The following GBP6 variants were observed in gnomAD, a reference collection of about 807,000 sequenced individuals.
The protein encoded by GBP6 is guanylate binding protein family member 6.
GBP6 carries 54 observed loss-of-function variants against 61.5 expected under a neutral mutation model. The ratio of observed to expected loss-of-function variants is 0.88; its 90% CI spans 0.71 to 1.10. GBP6 has a LOEUF of 1.10. Ranked by LOEUF, GBP6 falls within the 50% of genes least tolerant of loss-of-function variation. The pLI is 0.00. For missense variants in GBP6, 748 were observed against 752.8 expected (o/e 0.99, Z 0.07); for synonymous variants, 255 against 273.7 (o/e 0.93, Z 0.67).
chr1:89,377,969 T>G, intron 3 of GBP6, 134 bp from the exon 4 acceptor site: 1 of 771,532 alleles, frequency 1.3e-6, no homozygotes, highest in South Asian at 1.7e-5. Context: ...AAACTGTTGT[T>G]TACATTCATG....
At chr1:89,383,336 T>C (rs1357730540) in intron 8 of GBP6, among the ~76,000 whole-genome samples, 2 of 152,126 alleles carry the variant, frequency 1.3e-5, no homozygotes, top group East Asian at 3.9e-4. Flanking sequence ...AGAGGCAGCA[T>C]TGCACACTGG....
intron 3 of GBP6, among the ~76,000 whole-genome samples, chr1:89,371,687 T>A (rs1053998708): frequency 5.9e-5 from 9 of 152,132 alleles, no homozygotes; most frequent in Non-Finnish European, 1.0e-4. Flanking sequence ...GCTATTTATG[T>A]CAAACCCACA....
At chr1:89,373,132 T>A (rs1652692633) in intron 3 of GBP6, among the ~76,000 whole-genome samples, 1 of 152,090 alleles carries the variant, frequency 6.6e-6, no homozygotes, top group African/African-American at 2.4e-5. Context: ...CTCACACCAA[T>A]TAGAATGGTG....
At chr1:89,364,626 C>CGTGT (rs138686874) in intron 1 of GBP6, among the ~76,000 whole-genome samples, 22 of 107,620 alleles carry the variant, frequency 2.0e-4, no homozygotes, top group African/African-American at 5.0e-4. Context: ...TCTGTGTGTG[C>CGTGT]GTGTGTGTGT....
intron 10 of GBP6, 79 bp from the exon 11 acceptor site, chr1:89,385,151 C>CAAAATAA (rs1653098170): frequency 2.3e-6 from 3 of 1,306,046 alleles, no homozygotes; most frequent in Admixed American, 2.5e-5. Flanking sequence ...AAGTTTCACA[C>CAAAATAA]AGGTTTTAAA....
chr1:89,383,835 A>C (rs942769507), intron 9 of GBP6, 81 bp downstream of exon 9: 73 of 1,098,128 alleles, frequency 6.6e-5, no homozygotes, highest in Non-Finnish European at 9.8e-5. Flanking sequence ...AAACCTTCCC[A>C]AAATGAGGAA....
Position 89,380,395 on chromosome 1 carries a change from C to A in GBP6, c.635C>A (p.Pro212His). The A allele has an allele frequency of 6.2e-7, 1 of 1,613,424 alleles. No individual in the cohort carries two copies. The highest frequency in any genetic ancestry group is 8.5e-7 in the Non-Finnish European group (1 of 1,179,490). ...TTTTTTTATCCCTCAGGCAATAATC[C>A]CAGAGTTCAAACATCCAATTTTCCC... Reference protein sequence around the residue: ...NALKLIQGNNPRVQTSNFPRE... With the variant: ...NALKLIQGNNHRVQTSNFPRE... Residue 212 changes from proline (P) to histidine (H), a missense_variant, in exon 6 of 11, where the codon CCC (proline) becomes CAC (histidine). Physicochemically the swap from Pro to His is moderately conservative, Grantham distance 77. Transcript: ENST00000370456.
intron 10 of GBP6, 72 bp downstream of exon 10, chr1:89,384,358 T>C: frequency 1.7e-6 from 2 of 1,205,152 alleles, no homozygotes; most frequent in Non-Finnish European, 2.3e-6. Flanking sequence ...TGGTGAAGGT[T>C]ACAGCAACAT....
In GBP6 at chr1:89,386,253, T is replaced by C. The variant is rs1460462274; in HGVS notation, c.*784T>C. 1 of 152,034 alleles carries C rather than the reference T, an allele frequency of 6.6e-6. No homozygotes were observed. The highest frequency in any genetic ancestry group is 6.6e-5 in the Admixed American group (1 of 15,264). 9.4% of individuals were successfully genotyped at this position (152,034 alleles called of 1,614,324 possible). The stretch of plus-strand genomic sequence containing the variant: ...TATTATATGGAAGCATGCAAATATA[T>C]CTCTGGAAAGATTAATCAAAATCTA... On this transcript the variant is annotated 3_prime_UTR_variant, in exon 11 of 11. Coordinates refer to ENST00000370456, the MANE Select transcript of GBP6 (RefSeq NM_198460.3).
intron 1 of GBP6, among the ~76,000 whole-genome samples, chr1:89,365,496 A>G (rs1652444989): frequency 6.6e-6 from 1 of 152,248 alleles, no homozygotes; most frequent in South Asian, 2.1e-4. Context: ...AGACAAGAGC[A>G]GGTTGTACAG....
chr1:89,367,822 C>T (rs997951975), intron 1 of GBP6, among the ~76,000 whole-genome samples: 3 of 152,140 alleles, frequency 2.0e-5, no homozygotes, highest in African/African-American at 4.8e-5. Context: ...TTCTTTGCTC[C>T]CTCCACTTCA....
At chr1:89,371,048 A>G (rs997077753) in intron 3 of GBP6, among the ~76,000 whole-genome samples, 4 of 152,136 alleles carry the variant, frequency 2.6e-5, no homozygotes, top group African/African-American at 9.7e-5. Context: ...TATGAGTTTA[A>G]CTATTTGACT....
At chr1:89,365,017 C>T (rs1232004325) in intron 1 of GBP6, among the ~76,000 whole-genome samples, 1 of 149,840 alleles carries the variant, frequency 6.7e-6, no homozygotes, top group Non-Finnish European at 1.5e-5. Flanking sequence ...AACCCCCCGC[C>T]GCCCGTGTCC....
In GBP6 at chr1:89,386,541, G is replaced by C. The variant is rs2100678849; in HGVS notation, c.*1072G>C. On this transcript the variant is annotated 3_prime_UTR_variant, in exon 11 of 11. Coordinates refer to ENST00000370456, the MANE Select transcript of GBP6 (RefSeq NM_198460.3). ...GTCTAAGACTAAGATCTGAGTACTAGAATGCAAAAAATTTGCATCATATTC... is the reference window on the plus strand; with the variant it reads ...GTCTAAGACTAAGATCTGAGTACTACAATGCAAAAAATTTGCATCATATTC... 6.6e-6 allele frequency: 1 copy of C among 152,266 alleles called. No homozygotes were observed. Among genetic ancestry groups the C allele is most frequent in the Middle Eastern group, 3.4e-3 (1 of 294 alleles). The allele number at this position is 152,266 out of a possible 1,614,324, so 9.4% of individuals were successfully genotyped here. A position where few individuals can be genotyped will look rare whatever the true frequency, so the allele number is the denominator to read the frequency against.
At chr1:89,378,341 G>C (rs1652864651) in intron 4 of GBP6, 76 bp from the exon 5 acceptor site, 2 of 1,534,698 alleles carry the variant, frequency 1.3e-6, no homozygotes, top group Non-Finnish European at 1.8e-6. Flanking sequence ...AGACAAAAGA[G>C]AGTGTTTATA....
intron 7 of GBP6, 118 bp downstream of exon 7, chr1:89,382,092 C>T: frequency 9.6e-7 from 1 of 1,041,126 alleles, no homozygotes; most frequent in South Asian, 1.7e-5. Context: ...TGTGGATTCT[C>T]ATGAGGGATA....
rs376457915 is a variant in GBP6 at position 89,383,644 on chromosome 1, T to G, written c.1366-8T>G. ...AAGAAATCTAAGTGCTTTTTCTTCC[T>G]TCCATAGGCAAAAGAGGTCTTCCAG... On this transcript the variant is annotated splice_region_variant and splice_polypyrimidine_tract_variant and intron_variant, in intron 8 of 10. Transcript: ENST00000370456. The G allele has an allele frequency of 6.3e-6, 10 of 1,586,226 alleles. No individual in the cohort carries two copies. The African/African-American group carries it at 1.2e-4, about 19-fold the overall frequency.
At chr1:89,366,685 C>T (rs1652476273) in intron 1 of GBP6, among the ~76,000 whole-genome samples, 1 of 152,168 alleles carries the variant, frequency 6.6e-6, no homozygotes, top group South Asian at 2.1e-4. Context: ...CTTTTACTCT[C>T]TTTTTTGTTG....
intron 3 of GBP6, among the ~76,000 whole-genome samples, chr1:89,374,067 C>T (rs1652730023): frequency 6.6e-6 from 1 of 152,054 alleles, no homozygotes; most frequent in African/African-American, 2.4e-5. Flanking sequence ...TATCATTCTT[C>T]TCTCTCCTGC....
Sources: allele counts gnomAD v4.1 joint callset (sites outside exome capture counted in the v4.1 genomes callset), GRCh38; gene constraint gnomAD v4.1.1; transcripts MANE v1.5; gene names NCBI Gene and HGNC (gene_info 2026-07-23, HGNC 2026-07-21).